Variants in CDH7 observed in about 807,000 individuals in gnomAD.
CDH7 encodes the protein cadherin 7.
In CDH7, 25 loss-of-function variants were observed where a neutral mutation model predicts 71.8. The observed-to-expected ratio is 0.35, with a 90% CI of 0.25 to 0.49. The LOEUF is 0.49. Ranked by LOEUF, CDH7 falls within the 20% of genes least tolerant of loss-of-function variation. CDH7 has a pLI of 0.99. For missense variants in CDH7, 862 were observed against 974.6 expected (o/e 0.88, Z 1.54); for synonymous variants, 381 against 363.8 (o/e 1.05, Z -0.54).
At chr18:65,758,412 C>T (rs1316671807) in intron 1 of CDH7, among the ~76,000 whole-genome samples, 2 of 152,160 alleles carry the variant, frequency 1.3e-5, no homozygotes, top group Non-Finnish European at 1.5e-5. Context: ...CGACTCTTCC[C>T]CTGCTATAGA....
At chr18:65,756,761 G>A (rs1037355046) in intron 1 of CDH7, among the ~76,000 whole-genome samples, 1 of 152,144 alleles carries the variant, frequency 6.6e-6, no homozygotes, top group South Asian at 2.1e-4. Context: ...ACCAAAAATA[G>A]TCCTATATTT....
At chr18:65,802,813 G>T (rs1279062521) in intron 2 of CDH7, among the ~76,000 whole-genome samples, 1 of 152,156 alleles carries the variant, frequency 6.6e-6, no homozygotes. Context: ...TTTCTTTAGG[G>T]AAGTGAATGT....
chr18:65,761,535 CAAA>C (rs36079642), intron 1 of CDH7, among the ~76,000 whole-genome samples: 5 of 124,148 alleles, frequency 4.0e-5, no homozygotes, highest in African/African-American at 2.8e-5. Flanking sequence ...TCCTCTTCCT[CAAA>C]AAAAAAAAAA....
At position 65,885,998 on chromosome 18, in the gene CDH7, C is replaced by A. The variant is rs959096484; in HGVS notation, c.*5104C>A. 6.6e-6 allele frequency: 1 copy of A among 152,058 alleles called. No individual in the cohort carries two copies. The highest frequency in any genetic ancestry group is 2.4e-5 in the African/African-American group (1 of 41,400). 9.4% of individuals were successfully genotyped at this position (152,058 alleles called of 1,614,324 possible). A position where few individuals can be genotyped will look rare whatever the true frequency, so the allele number is the denominator to read the frequency against. On this transcript the variant is annotated 3_prime_UTR_variant, in exon 12 of 12. Coordinates refer to ENST00000397968, the MANE Select transcript of CDH7 (RefSeq NM_004361.5). ...GTGAATTATTTGTTATTAAATGTTA[C>A]TGGGCTTTGGTGTCAGTGTGGTATA...
chr18:65,787,952 A>G (rs1910573919), intron 2 of CDH7, among the ~76,000 whole-genome samples: 1 of 152,154 alleles, frequency 6.6e-6, no homozygotes, highest in Non-Finnish European at 1.5e-5. Flanking sequence ...AGTAAATCCC[A>G]TTTACTTTTT....
intron 7 of CDH7, among the ~76,000 whole-genome samples, chr18:65,848,933 A>G (rs1021634419): frequency 6.6e-6 from 1 of 152,150 alleles, no homozygotes; most frequent in Non-Finnish European, 1.5e-5. Context: ...ATTAGTGTGA[A>G]CATATTTGGG....
intron 9 of CDH7, 22 bp downstream of exon 9, chr18:65,859,068 T>G: frequency 1.2e-6 from 2 of 1,606,538 alleles, no homozygotes; most frequent in Non-Finnish European, 1.7e-6. Flanking sequence ...CAGAACACTT[T>G]GCTTCTAATT....
chr18:65,778,666 CT>C (rs138374389), intron 2 of CDH7, among the ~76,000 whole-genome samples: 52 of 146,352 alleles, frequency 3.6e-4, no homozygotes, highest in African/African-American at 4.8e-4. Flanking sequence ...AGTTTATTTT[CT>C]TTTTTTTTGT....
At chr18:65,780,904 C>G (rs1012491718) in intron 2 of CDH7, among the ~76,000 whole-genome samples, 1 of 147,580 alleles carries the variant, frequency 6.8e-6, no homozygotes, top group Non-Finnish European at 1.5e-5. Context: ...CCTTGTTTGC[C>G]TCTCTCTATT....
chr18:65,859,295 T>A (rs1316106927), intron 9 of CDH7, among the ~76,000 whole-genome samples: 1 of 152,152 alleles, frequency 6.6e-6, no homozygotes, highest in Non-Finnish European at 1.5e-5. Flanking sequence ...GGCTAAGAAC[T>A]TAGACTCCTT....
chr18:65,856,731 G>A (rs754088291), intron 7 of CDH7, among the ~76,000 whole-genome samples: 110 of 152,034 alleles, frequency 7.2e-4, no homozygotes, highest in Middle Eastern at 3.4e-3. Flanking sequence ...TCATTTGTTC[G>A]TTTAATTGTT....
chr18:65,777,280 A>G (rs1294116265), intron 2 of CDH7, among the ~76,000 whole-genome samples: 1 of 152,128 alleles, frequency 6.6e-6, no homozygotes, highest in Non-Finnish European at 1.5e-5. Flanking sequence ...AAAAATAATT[A>G]TGTTGGTTGA....
At chr18:65,856,075 C>T (rs995500790) in intron 7 of CDH7, among the ~76,000 whole-genome samples, 1 of 152,062 alleles carries the variant, frequency 6.6e-6, no homozygotes, top group Non-Finnish European at 1.5e-5. Flanking sequence ...GTCCATTTGG[C>T]AGCACCAACT....
intron 6 of CDH7, among the ~76,000 whole-genome samples, chr18:65,833,913 T>A (rs1484494136): frequency 6.6e-6 from 1 of 152,202 alleles, no homozygotes; most frequent in Admixed American, 6.5e-5. Context: ...TTTTTTAAAA[T>A]TTTGATAGTG....
chr18:65,856,082 A>G (rs1239621989), intron 7 of CDH7, among the ~76,000 whole-genome samples: 1 of 152,122 alleles, frequency 6.6e-6, no homozygotes, highest in Non-Finnish European at 1.5e-5. Flanking sequence ...TGGCAGCACC[A>G]ACTCACCATC....
At position 65,793,876 on chromosome 18, in the gene CDH7, G is replaced by T. The variant is rs912931665; in HGVS notation, c.211-15828G>T. Among the ~76,000 whole-genome samples, 5 of 152,144 alleles carry T rather than the reference G, an allele frequency of 3.3e-5. No individual in the cohort carries two copies. In the South Asian group the frequency reaches 1.0e-3, roughly 32 times the overall value. On this transcript the variant is annotated intron_variant, in intron 2 of 11. Transcript: ENST00000397968. ...ATGAAAAGTGTAAGACTTTGATTTG[G>T]CTTTTCTTGATTTTTATTTTAGATG...
At chr18:65,811,534 G>T (rs1012240492) in intron 3 of CDH7, among the ~76,000 whole-genome samples, 1 of 152,000 alleles carries the variant, frequency 6.6e-6, no homozygotes, top group African/African-American at 2.4e-5. Flanking sequence ...CCTCACTACC[G>T]TCCACACCTT....
intron 2 of CDH7, among the ~76,000 whole-genome samples, chr18:65,788,325 G>A (rs969459446): frequency 2.0e-5 from 3 of 152,120 alleles, no homozygotes; most frequent in South Asian, 4.1e-4. Context: ...TGCACACAGG[G>A]AAAAATATGT....
At chr18:65,823,887 A>G (rs1351882) in intron 5 of CDH7, among the ~76,000 whole-genome samples, 133,628 of 151,792 alleles carry the variant, frequency 0.88, 59,886 homozygotes, top group East Asian at 0.99. Flanking sequence ...GGAATATAGC[A>G]TGCTGCGGTG....
Sources: gnomAD v4.1 joint callset for allele counts (sites outside exome capture counted in the v4.1 genomes callset) on GRCh38, gnomAD v4.1.1 for gene constraint, MANE v1.5 for transcripts, NCBI Gene and HGNC (gene_info 2026-07-23, HGNC 2026-07-21) for gene names.